Variants in C7orf57 observed in about 807,000 individuals in gnomAD.
C7orf57 encodes chromosome 7 open reading frame 57.
In C7orf57, 33 loss-of-function variants were observed where a neutral mutation model predicts 39.0. The observed-to-expected ratio is 0.85, with a 90% CI of 0.64 to 1.13. The LOEUF is 1.13. C7orf57 is among the 50% of genes most tolerant of loss of function. C7orf57 has a pLI of 0.00. For missense variants in C7orf57, 346 were observed against 362.3 expected (o/e 0.95, Z 0.37); for synonymous variants, 124 against 137.1 (o/e 0.90, Z 0.67).
chr7:48,045,443 C>T (rs1422995450), intron 4 of C7orf57, among the ~76,000 whole-genome samples: 1 of 152,024 alleles, frequency 6.6e-6, no homozygotes, highest in African/African-American at 2.4e-5. Flanking sequence ...TGGGTATCTG[C>T]GTCCACCTTC....
chr7:48,048,372 T>A (rs1401427843), intron 5 of C7orf57, among the ~76,000 whole-genome samples: 1 of 152,148 alleles, frequency 6.6e-6, no homozygotes, highest in Non-Finnish European at 1.5e-5. Flanking sequence ...ACGGGACACA[T>A]GGTGGACACC....
chr7:48,040,801 T>C (rs987205828), intron 2 of C7orf57, among the ~76,000 whole-genome samples: 54 of 152,330 alleles, frequency 3.5e-4, no homozygotes, highest in African/African-American at 1.2e-3. Flanking sequence ...TCTTGTGTTA[T>C]TGGTAAATGT....
chr7:48,037,594 T>C (rs1790414224), intron 2 of C7orf57, among the ~76,000 whole-genome samples: 1 of 152,056 alleles, frequency 6.6e-6, no homozygotes, highest in Non-Finnish European at 1.5e-5. Flanking sequence ...TCCTCACTGA[T>C]TAAATAAGAG....
chr7:48,054,723 C>T, intron 8 of C7orf57, 117 bp downstream of exon 8: 5 of 804,868 alleles, frequency 6.2e-6, no homozygotes, highest in South Asian at 3.5e-5. Context: ...ATGTCCTTCT[C>T]CAAACTGCAT....
intron 4 of C7orf57, 49 bp downstream of exon 4, chr7:48,043,638 A>T (rs1338757262): frequency 1.4e-6 from 2 of 1,404,802 alleles, no homozygotes; most frequent in East Asian, 4.6e-5. Context: ...ACAGGAAAAA[A>T]ATAGCCCAAT....
At chr7:48,037,460 C>T (rs533247671) in intron 2 of C7orf57, among the ~76,000 whole-genome samples, 1 of 152,314 alleles carries the variant, frequency 6.6e-6, no homozygotes, top group South Asian at 2.1e-4. Flanking sequence ...GAGGCCACAG[C>T]AGCCTAAAGC....
intron 2 of C7orf57, among the ~76,000 whole-genome samples, chr7:48,037,908 T>C (rs906586966): frequency 4.6e-5 from 7 of 152,118 alleles, no homozygotes; most frequent in Non-Finnish European, 8.8e-5. Flanking sequence ...CTTCCAGTAA[T>C]GAGAAGAAGG....
In C7orf57 at chr7:48,051,774, CTTT is replaced by C. The variant is rs1562629740; in HGVS notation, c.606-925_606-923del. 3.9e-5 allele frequency among the ~76,000 whole-genome samples: 2 copies of C among 51,900 alleles called. 1 individual carries two copies. Among genetic ancestry groups the C allele is most frequent in the African/African-American group, 1.2e-4 (2 of 16,920 alleles). 34.0% of individuals were successfully genotyped at this position (51,900 alleles called of 152,430 possible). A position where few individuals can be genotyped will look rare whatever the true frequency, so the allele number is the denominator to read the frequency against. ...CTTTTCTTTCTTTCTTTCTTTCTTT[CTTT>C]CTTTCTTTCTTTCTTTCTTTCCTTC... On this transcript the variant is annotated intron_variant, in intron 6 of 8. Transcript: ENST00000348904.
intron 4 of C7orf57, 71 bp from the exon 5 acceptor site, chr7:48,046,389 G>A: frequency 7.0e-7 from 1 of 1,431,172 alleles, no homozygotes; most frequent in Non-Finnish European, 9.5e-7. Flanking sequence ...AGCCAGCGAT[G>A]GAGATGGAAG....
In C7orf57 at chr7:48,051,734, CTTTTCTTTCTTTT is replaced by C; in HGVS notation, c.606-964_606-952del. ...CTCTCCTTTCTTTCTTTCTCTTTTT[CTTTTCTTTCTTTT>C]TCTTTTCTTTCTTTCTTTCTTTCTT... On this transcript the variant is annotated intron_variant, in intron 6 of 8. Transcript: ENST00000348904. Among the ~76,000 whole-genome samples, 2 of 56,038 alleles carry C rather than the reference CTTTTCTTTCTTTT, an allele frequency of 3.6e-5. 1 individual carries two copies. Among genetic ancestry groups the C allele is most frequent in the African/African-American group, 9.5e-5 (2 of 21,078 alleles). The allele number at this position is 56,038 out of a possible 152,430, so 36.8% of individuals were successfully genotyped here. A position where few individuals can be genotyped will look rare whatever the true frequency, so the allele number is the denominator to read the frequency against.
At chr7:48,050,784 C>T (rs1199239376) in intron 6 of C7orf57, among the ~76,000 whole-genome samples, 1 of 152,204 alleles carries the variant, frequency 6.6e-6, no homozygotes, top group Non-Finnish European at 1.5e-5. Context: ...ATCCTCCCAC[C>T]TCAGCCTCCC....
intron 2 of C7orf57, among the ~76,000 whole-genome samples, chr7:48,040,417 C>T (rs1444633991): frequency 6.6e-6 from 1 of 152,178 alleles, no homozygotes; most frequent in African/African-American, 2.4e-5. Context: ...GGAGCCACAC[C>T]CAGTCACCTC....
intron 2 of C7orf57, among the ~76,000 whole-genome samples, chr7:48,039,626 A>C (rs1790485945): frequency 6.6e-6 from 1 of 152,216 alleles, no homozygotes; most frequent in Non-Finnish European, 1.5e-5. Context: ...TCATCTAAAA[A>C]ACTTCATAGA....
chr7:48,040,444 C>T (rs2128790750), intron 2 of C7orf57, among the ~76,000 whole-genome samples: 1 of 152,342 alleles, frequency 6.6e-6, no homozygotes, highest in South Asian at 2.1e-4. Context: ...CTCTGAATTT[C>T]CAGCTGAGAT....
intron 2 of C7orf57, among the ~76,000 whole-genome samples, chr7:48,040,744 C>T (rs765261424): frequency 7.9e-5 from 12 of 152,052 alleles, no homozygotes; most frequent in Admixed American, 1.3e-4. Context: ...TGCCATTGCT[C>T]GGTGGACAGG....
intron 4 of C7orf57, among the ~76,000 whole-genome samples, chr7:48,045,456 A>C (rs751923298): frequency 1.3e-5 from 2 of 151,796 alleles, no homozygotes; most frequent in South Asian, 4.2e-4. Flanking sequence ...CCACCTTCCA[A>C]GCCTGCATTT....
intron 7 of C7orf57, among the ~76,000 whole-genome samples, chr7:48,053,554 C>T (rs1296577919): frequency 1.3e-5 from 2 of 152,104 alleles, no homozygotes; most frequent in African/African-American, 2.4e-5. Context: ...TGGGCTCAAG[C>T]GATCCTCCCA....
Position 48,049,104 on chromosome 7 carries a change from C to T in C7orf57, c.508-776C>T, listed in dbSNP as rs115835285. ...GAGATTCCAACCCAGCCATGAACTT[C>T]TCCACACACATAAACATTCCAAGCT... On this transcript the variant is annotated intron_variant, in intron 5 of 8. Coordinates refer to ENST00000348904, the MANE Select transcript of C7orf57 (RefSeq NM_001100159.3). Among the ~76,000 whole-genome samples, 1,376 of 152,248 alleles carry T rather than the reference C, an allele frequency of 9.0e-3. 14 individuals carry two copies. The highest frequency in any genetic ancestry group is 0.031 in the African/African-American group (1,307 of 41,540).
At chr7:48,048,726 C>A (rs1257028556) in intron 5 of C7orf57, among the ~76,000 whole-genome samples, 2 of 152,084 alleles carry the variant, frequency 1.3e-5, no homozygotes, top group African/African-American at 2.4e-5. Context: ...GCATTTCTAC[C>A]CCTCTTTATA....
Sources: gnomAD v4.1 joint callset for allele counts (sites outside exome capture counted in the v4.1 genomes callset) on GRCh38, gnomAD v4.1.1 for gene constraint, MANE v1.5 for transcripts, NCBI Gene and HGNC (gene_info 2026-07-23, HGNC 2026-07-21) for gene names.